Variants in NOS1AP observed in about 807,000 individuals in gnomAD.
NOS1AP encodes the protein carboxyl-terminal PDZ ligand of neuronal nitric oxide synthase protein.
Under a neutral mutation model 56.2 loss-of-function variants are expected in NOS1AP, and 21 were observed. That is an observed-to-expected ratio of 0.37 (90% CI 0.26 to 0.54). NOS1AP has a LOEUF of 0.54. Among genes scored for constraint, NOS1AP ranks in the 20% least tolerant of loss-of-function variants. NOS1AP has a pLI of 0.84. For missense variants in NOS1AP, 522 were observed against 657.8 expected (o/e 0.79, Z 2.26); for synonymous variants, 270 against 274.6 (o/e 0.98, Z 0.17).
At chr1:162,328,950 T>TAAAA in intron 4 of NOS1AP, among the ~76,000 whole-genome samples, 1 of 152,326 alleles carries the variant, frequency 6.6e-6, no homozygotes, top group South Asian at 2.1e-4. Context: ...TTGTTGTTTT[T>TAAAA]CTATGATCTT....
At chr1:162,250,522 A>G (rs1312780351) in intron 2 of NOS1AP, among the ~76,000 whole-genome samples, 1 of 149,956 alleles carries the variant, frequency 6.7e-6, no homozygotes, top group African/African-American at 2.5e-5. Flanking sequence ...TAAGGGGCAA[A>G]GAAAGCTGTA....
chr1:162,341,468 CACTT>C (rs1657103423), intron 5 of NOS1AP, among the ~76,000 whole-genome samples: 1 of 152,212 alleles, frequency 6.6e-6, no homozygotes, highest in South Asian at 2.1e-4. Context: ...TGGAATTAAA[CACTT>C]AATCTCTACA....
intron 4 of NOS1AP, among the ~76,000 whole-genome samples, chr1:162,326,284 T>A (rs755107696): frequency 1.3e-5 from 2 of 152,104 alleles, no homozygotes; most frequent in Non-Finnish European, 1.5e-5. Context: ...GGATGTAGAC[T>A]CAGGAAACCT....
At chr1:162,123,438 C>A (rs1648333237) in intron 1 of NOS1AP, among the ~76,000 whole-genome samples, 1 of 152,222 alleles carries the variant, frequency 6.6e-6, no homozygotes, top group African/African-American at 2.4e-5. Context: ...TCCCAAAGTG[C>A]TGGGATTACA....
intron 6 of NOS1AP, among the ~76,000 whole-genome samples, chr1:162,346,500 G>A (rs1325173741): frequency 6.6e-6 from 1 of 152,254 alleles, no homozygotes; most frequent in East Asian, 1.9e-4. Flanking sequence ...AAAATGTATA[G>A]ATTTAAATGT....
chr1:162,294,222 A>AGGAAGGAAGGAAGGGG (rs1368335883), intron 3 of NOS1AP, among the ~76,000 whole-genome samples: 1 of 147,620 alleles, frequency 6.8e-6, no homozygotes, highest in African/African-American at 2.6e-5. Context: ...GAAGGAAGGA[A>AGGAAGGAAGGAAGGGG]GGAAGAAAGA....
chr1:162,326,831 G>A (rs1656604301), intron 4 of NOS1AP, among the ~76,000 whole-genome samples: 1 of 152,208 alleles, frequency 6.6e-6, no homozygotes, highest in South Asian at 2.1e-4. Flanking sequence ...ATGAGGCCAG[G>A]GATGATGACA....
chr1:162,357,290 C>G (rs373236), intron 8 of NOS1AP, 154 bp downstream of exon 8: 3 of 1,256,342 alleles, frequency 2.4e-6, no homozygotes, highest in Non-Finnish European at 2.2e-6. Flanking sequence ...GTGGGGGCAG[C>G]GGGAGGGGGA....
intron 1 of NOS1AP, among the ~76,000 whole-genome samples, chr1:162,119,003 G>C (rs1187885949): frequency 6.6e-6 from 1 of 152,174 alleles, no homozygotes; most frequent in Non-Finnish European, 1.5e-5. Context: ...CCTATGATAA[G>C]AGCCACTTGT....
At chr1:162,255,497 T>A in intron 2 of NOS1AP, among the ~76,000 whole-genome samples, 1 of 48,224 alleles carries the variant, frequency 2.1e-5, no homozygotes, top group Non-Finnish European at 3.3e-5. Flanking sequence ...CTGATTTTTT[T>A]TTTTTTTTTT....
intron 4 of NOS1AP, among the ~76,000 whole-genome samples, chr1:162,313,642 G>A (rs1224749747): frequency 1.3e-5 from 2 of 152,176 alleles, no homozygotes; most frequent in African/African-American, 4.8e-5. Flanking sequence ...AGATTGCTTG[G>A]GGATCTGAGT....
At chr1:162,148,017 C>T (rs1016361139) in intron 1 of NOS1AP, among the ~76,000 whole-genome samples, 1 of 152,144 alleles carries the variant, frequency 6.6e-6, no homozygotes, top group Non-Finnish European at 1.5e-5. Context: ...ACATACCACC[C>T]CTCTCGGTAA....
At chr1:162,199,320 T>C (rs751561691) in intron 2 of NOS1AP, among the ~76,000 whole-genome samples, 4 of 152,330 alleles carry the variant, frequency 2.6e-5, no homozygotes, top group Middle Eastern at 3.4e-3. Flanking sequence ...GCTCCGCTGC[T>C]GCATGCCGGT....
At chr1:162,241,808 A>G (rs905507183) in intron 2 of NOS1AP, among the ~76,000 whole-genome samples, 2 of 152,054 alleles carry the variant, frequency 1.3e-5, no homozygotes, top group African/African-American at 4.8e-5. Context: ...ACATCAACAA[A>G]GCAGATTCAC....
chr1:162,250,466 A>C (rs981749797), intron 2 of NOS1AP, among the ~76,000 whole-genome samples: 1 of 152,158 alleles, frequency 6.6e-6, no homozygotes, highest in Non-Finnish European at 1.5e-5. Flanking sequence ...AATCCATTTC[A>C]TTCATACTCT....
At chr1:162,210,811 C>T (rs75756476) in intron 2 of NOS1AP, among the ~76,000 whole-genome samples, 5,289 of 152,334 alleles carry the variant, frequency 0.035, 108 homozygotes, top group Middle Eastern at 0.075. Flanking sequence ...TGGCCTTCCT[C>T]TATCCACTGA....
intron 4 of NOS1AP, among the ~76,000 whole-genome samples, chr1:162,307,199 T>A (rs1237001637): frequency 1.3e-5 from 2 of 152,166 alleles, no homozygotes; most frequent in Non-Finnish European, 2.9e-5. Context: ...TGCTTTTGAG[T>A]TTCAGTTTTC....
chr1:162,144,913 G>A (rs945211507), intron 1 of NOS1AP, among the ~76,000 whole-genome samples: 7 of 152,300 alleles, frequency 4.6e-5, no homozygotes, highest in South Asian at 2.1e-4. Flanking sequence ...CCATGGGCAC[G>A]CTGGTTGGAT....
chr1:162,287,754 T>G (rs954264949), intron 3 of NOS1AP, among the ~76,000 whole-genome samples: 2 of 151,958 alleles, frequency 1.3e-5, no homozygotes, highest in African/African-American at 4.8e-5. Flanking sequence ...GTAGAAAATA[T>G]TTTCAATTTT....
Sources: allele counts gnomAD v4.1 joint callset (sites outside exome capture counted in the v4.1 genomes callset), GRCh38; gene constraint gnomAD v4.1.1; transcripts MANE v1.5; gene names NCBI Gene and HGNC (gene_info 2026-07-23, HGNC 2026-07-21).